DAB1: variants seen among roughly 807,000 people sequenced by gnomAD.
DAB1 encodes DAB adaptor protein 1.
Under a neutral mutation model 64.6 loss-of-function variants are expected in DAB1, and 15 were observed. That is an observed-to-expected ratio of 0.23 (90% CI 0.16 to 0.36). The LOEUF is 0.36. DAB1 is among the 10% of genes least tolerant of loss of function. DAB1 has a pLI of 1.00. For synonymous variants in DAB1, 235 were observed against 251.9 expected, an observed-to-expected ratio of 0.93 and a Z score of 0.64; for missense variants, 596 against 706.7, an observed-to-expected ratio of 0.84 and a Z score of 1.78.
intron 1 of DAB1, among the ~76,000 whole-genome samples, chr1:57,848,846 A>G (rs976349334): frequency 1.3e-5 from 2 of 152,056 alleles, no homozygotes; most frequent in Admixed American, 6.6e-5. Context: ...CATGATTCCT[A>G]TTTTTCAAAG....
chr1:58,042,436 C>T (rs544441627), intron 5 of DAB1, among the ~76,000 whole-genome samples: 1 of 152,138 alleles, frequency 6.6e-6, no homozygotes, highest in South Asian at 2.1e-4. Context: ...AAAGTAACAA[C>T]AACAAACCCC....
At chr1:58,435,413 C>G (rs779983439) in intron 3 of DAB1, among the ~76,000 whole-genome samples, 13 of 152,148 alleles carry the variant, frequency 8.5e-5, no homozygotes, top group Non-Finnish European at 1.6e-4. Flanking sequence ...GTAGCTACCA[C>G]TCATATCTTA....
chr1:58,495,014 C>G (rs907279910), intron 3 of DAB1, among the ~76,000 whole-genome samples: 1 of 152,160 alleles, frequency 6.6e-6, no homozygotes, highest in African/African-American at 2.4e-5. Context: ...GACTTGGAAC[C>G]AACCCAAACG....
chr1:57,590,782 A>ACACACC (rs1491356045), intron 7 of DAB1, among the ~76,000 whole-genome samples: 12 of 126,490 alleles, frequency 9.5e-5, no homozygotes, highest in Admixed American at 4.0e-4. Context: ...ACACACACAC[A>ACACACC]CCCCACTCAC....
At chr1:57,578,339 G>A (rs1242745874) in intron 7 of DAB1, among the ~76,000 whole-genome samples, 2 of 152,196 alleles carry the variant, frequency 1.3e-5, no homozygotes, top group African/African-American at 4.8e-5. Flanking sequence ...CAAAGCTTCT[G>A]GCACTGCTAA....
intron 4 of DAB1, among the ~76,000 whole-genome samples, chr1:58,201,913 T>C (rs999109664): frequency 2.6e-5 from 4 of 152,144 alleles, no homozygotes; most frequent in African/African-American, 9.7e-5. Flanking sequence ...TAGCAGAGTA[T>C]GGCAGTGAGG....
intron 1 of DAB1, among the ~76,000 whole-genome samples, chr1:57,341,629 AT>A (rs903011679): frequency 3.8e-4 from 58 of 151,842 alleles, no homozygotes; most frequent in African/African-American, 1.3e-3. Flanking sequence ...AACTCTTTTG[AT>A]TTTTTTTCTC....
intron 2 of DAB1, among the ~76,000 whole-genome samples, chr1:57,274,778 C>T (rs1671322758): frequency 6.6e-6 from 1 of 152,086 alleles, no homozygotes; most frequent in Admixed American, 6.5e-5. Context: ...GATGGGGTCT[C>T]ACCATGTTGG....
intron 3 of DAB1, among the ~76,000 whole-genome samples, chr1:58,495,700 A>AT (rs1645788404): frequency 6.9e-6 from 1 of 144,522 alleles, no homozygotes. Flanking sequence ...ATCTTCCACC[A>AT]TAAAAAAAAA....
At chr1:58,500,342 A>T (rs1645886459) in intron 3 of DAB1, among the ~76,000 whole-genome samples, 2 of 152,176 alleles carry the variant, frequency 1.3e-5, no homozygotes, top group Admixed American at 6.5e-5. Context: ...TGAACAGTGT[A>T]TGTTTGTGTA....
intron 7 of DAB1, among the ~76,000 whole-genome samples, chr1:57,527,949 T>A (rs954544543): frequency 1.3e-5 from 2 of 152,104 alleles, no homozygotes; most frequent in Non-Finnish European, 2.9e-5. Flanking sequence ...CAACGAAAGA[T>A]AATAAGATAT....
intron 5 of DAB1, among the ~76,000 whole-genome samples, chr1:58,129,678 A>G (rs1444262273): frequency 2.1e-5 from 3 of 145,908 alleles, no homozygotes; most frequent in South Asian, 2.3e-4. Flanking sequence ...CGTTGGTTTC[A>G]AAGAACATCT....
At chr1:58,374,453 T>C (rs1429735287) in intron 3 of DAB1, among the ~76,000 whole-genome samples, 1 of 151,408 alleles carries the variant, frequency 6.6e-6, no homozygotes, top group East Asian at 2.0e-4. Context: ...TCCCCATTGC[T>C]TGTTTTTCTC....
At chr1:58,443,716 A>G (rs78199004) in intron 3 of DAB1, among the ~76,000 whole-genome samples, 23,380 of 152,240 alleles carry the variant, frequency 0.15, 2,277 homozygotes, top group Non-Finnish European at 0.22. Flanking sequence ...GTCACTTTAT[A>G]AAGAGCAAAG....
intron 3 of DAB1, among the ~76,000 whole-genome samples, chr1:58,432,185 G>C (rs1428560922): frequency 1.3e-5 from 2 of 152,066 alleles, no homozygotes; most frequent in Admixed American, 1.3e-4. Flanking sequence ...CTGCTTTCTT[G>C]GCACCCTACA....
At chr1:58,359,576 G>T (rs778435344) in intron 3 of DAB1, among the ~76,000 whole-genome samples, 3 of 151,792 alleles carry the variant, frequency 2.0e-5, no homozygotes, top group Non-Finnish European at 4.4e-5. Context: ...TACCCCAGGG[G>T]ACACAGAGAA....
At chr1:58,333,204 C>T (rs991922314) in intron 4 of DAB1, among the ~76,000 whole-genome samples, 1 of 152,156 alleles carries the variant, frequency 6.6e-6, no homozygotes, top group Non-Finnish European at 1.5e-5. Flanking sequence ...GTTCTAAAAA[C>T]GTAAGGCAGG....
chr1:57,120,995 C>T (rs1390885232), intron 4 of DAB1, among the ~76,000 whole-genome samples: 1 of 151,816 alleles, frequency 6.6e-6, no homozygotes, highest in Non-Finnish European at 1.5e-5. Flanking sequence ...GGAAATAGTG[C>T]CTGAGCTGAG....
At chr1:58,454,079 T>C (rs1237605710) in intron 3 of DAB1, among the ~76,000 whole-genome samples, 3 of 152,186 alleles carry the variant, frequency 2.0e-5, no homozygotes, top group Non-Finnish European at 2.9e-5. Context: ...GAAATATCAA[T>C]TGGCTCAGCC....
Sources: allele counts gnomAD v4.1 joint callset (sites outside exome capture counted in the v4.1 genomes callset), GRCh38; gene constraint gnomAD v4.1.1; transcripts MANE v1.5; gene names NCBI Gene and HGNC (gene_info 2026-07-23, HGNC 2026-07-21).